Variants in CELF2 observed in about 807,000 individuals in gnomAD.
CELF2 encodes the protein CUG triplet repeat RNA-binding protein 2.
In CELF2, 8 loss-of-function variants were observed where a neutral mutation model predicts 62.6. The observed-to-expected ratio is 0.13, with a 90% CI of 0.07 to 0.23. The LOEUF (loss-of-function observed/expected upper bound fraction) is 0.23. Ranked by LOEUF, CELF2 falls within the 10% of genes least tolerant of loss-of-function variation. The pLI is 1.00. For missense variants in CELF2, 333 were observed against 671.0 expected (o/e 0.50, Z 5.56); for synonymous variants, 258 against 250.0 (o/e 1.03, Z -0.30).
rs2061939332 is a variant in CELF2 at position 11,211,848 on chromosome 10, G to A, written c.272-5577G>A. Among the ~76,000 whole-genome samples, 1 of 145,758 alleles carries A rather than the reference G, an allele frequency of 6.9e-6. No individual in the cohort carries two copies. The highest frequency in any genetic ancestry group is 1.5e-5 in the Non-Finnish European group (1 of 65,326). Reference sequence around the variant, plus strand: ...TGTGTGTGTGTGTGTGTGTGTGTGTGTGTGTGTAACTACCATTGGCCTTTG... The same window carrying A: ...TGTGTGTGTGTGTGTGTGTGTGTGTATGTGTGTAACTACCATTGGCCTTTG... On this transcript the variant is annotated intron_variant, in intron 2 of 12. Coordinates refer to ENST00000633077, the MANE Select transcript of CELF2 (RefSeq NM_001326342.2). The surrounding 1 kb of genome is among the most constrained non-coding windows in gnomAD (Gnocchi z 4.8).
the CELF2 span, among the ~76,000 whole-genome samples, chr10:10,585,254 T>C: frequency 7.2e-5 from 11 of 152,164 alleles, no homozygotes; most frequent in Non-Finnish European, 1.6e-4. Context: ...AAATCCCTGA[T>C]TGGGAATTCT....
rs1217656518 is a variant in CELF2, at chr10:11,242,278, A to G, written c.355-6875A>G. Among the ~76,000 whole-genome samples the G allele has an allele frequency of 1.3e-5, 2 of 152,210 alleles. No individual in the cohort carries two copies. Among genetic ancestry groups the G allele is most frequent in the Non-Finnish European group, 2.9e-5 (2 of 68,036 alleles). ...ATCTCATGTTAAAGGTGGTTAACTC[A>G]TCAATTGGTGATGGCTGGGGTTCAA... On this transcript the variant is annotated intron_variant, in intron 3 of 12. Coordinates refer to ENST00000633077, the MANE Select transcript of CELF2 (RefSeq NM_001326342.2). This position sits in a 1 kb window ranked among gnomAD's most constrained non-coding sequence, Gnocchi z 4.8.
In CELF2 at chr10:11,313,790, TAA is replaced by T. The variant is rs60108238; in HGVS notation, c.977-335_977-334del. ...CCCATCTTACTCATGCCCATAGGCT[TAA>T]AAAAAAAAAAAAAGAACTAAGCAAG... On this transcript the variant is annotated intron_variant, in intron 9 of 12. Coordinates refer to ENST00000633077, the MANE Select transcript of CELF2 (RefSeq NM_001326342.2). 4.1e-3 allele frequency among the ~76,000 whole-genome samples: 589 copies of T among 143,634 alleles called. 1 individual carries two copies. The highest frequency in any genetic ancestry group is 6.3e-3 in the Non-Finnish European group (415 of 65,600). 94.2% of individuals were successfully genotyped at this position (143,634 alleles called of 152,430 possible).
At chr10:10,684,659 G>A in the CELF2 span, among the ~76,000 whole-genome samples, 4 of 152,068 alleles carry the variant, frequency 2.6e-5, no homozygotes, top group Non-Finnish European at 2.9e-5. Context: ...TGGGAGGATC[G>A]CCTGAGCCCA....
chr10:10,563,122 G>T, the CELF2 span, among the ~76,000 whole-genome samples: 1 of 152,094 alleles, frequency 6.6e-6, no homozygotes, highest in Non-Finnish European at 1.5e-5. Context: ...GGAGAGGGAA[G>T]AGTCAGATAG....
chr10:10,580,685 C>T, the CELF2 span, among the ~76,000 whole-genome samples: 5,641 of 152,238 alleles, frequency 0.037, 329 homozygotes, highest in African/African-American at 0.13. Context: ...ACATAGATTA[C>T]GAAACATTAG....
At chr10:10,798,172 T>C (rs2054274368), upstream of CELF2, among the ~76,000 whole-genome samples, 2 of 152,164 alleles carry the variant, frequency 1.3e-5, no homozygotes, top group Admixed American at 6.5e-5. Context: ...TTCCAAATTA[T>C]TTTTAAAAAA....
chr10:11,207,607 C>T lies in CELF2; in HGVS notation c.272-9818C>T, dbSNP rs7918076. ...CGGCCAGAGGGCGGTGCGGGTCCCA[C>T]GCTGCCAGTGTAAGTTTCCCAGGGG... On this transcript the variant is annotated intron_variant, in intron 2 of 12. Transcript: ENST00000633077. This position sits in a 1 kb window ranked among gnomAD's most constrained non-coding sequence, Gnocchi z 4.1. Among the ~76,000 whole-genome samples the T allele has an allele frequency of 0.23, 35,442 of 152,194 alleles. 5,259 individuals carry two copies. The highest frequency in any genetic ancestry group is 0.68 in the East Asian group (3,504 of 5,174).
intron 1 of CELF2, among the ~76,000 whole-genome samples, chr10:10,899,597 T>A (rs1436603478): frequency 2.6e-5 from 4 of 152,230 alleles, no homozygotes; most frequent in Non-Finnish European, 1.5e-5. Flanking sequence ...GCTTGCAGAC[T>A]GTACTAGTCC....
the CELF2 span, among the ~76,000 whole-genome samples, chr10:10,668,312 C>T: frequency 3.1e-4 from 47 of 152,282 alleles, no homozygotes; most frequent in Non-Finnish European, 4.9e-4. Context: ...GCGTTCCCAA[C>T]CCCATCCTAT....
intron 1 of CELF2, among the ~76,000 whole-genome samples, chr10:11,048,611 T>C (rs2063295233): frequency 6.6e-6 from 1 of 152,228 alleles, no homozygotes; most frequent in Admixed American, 6.5e-5. Flanking sequence ...ACCATTACGC[T>C]GGGTAAGATC....
chr10:11,281,426 G>A (rs1212095167), intron 8 of CELF2, among the ~76,000 whole-genome samples: 1 of 152,106 alleles, frequency 6.6e-6, no homozygotes, highest in African/African-American at 2.4e-5. Context: ...AGTGGTTTGT[G>A]GTATCTGGGA....
chr10:10,774,601 G>T, the CELF2 span, among the ~76,000 whole-genome samples: 1 of 152,212 alleles, frequency 6.6e-6, no homozygotes, highest in Non-Finnish European at 1.5e-5. Context: ...CTTCCGCGAT[G>T]ACTGTAAGTT....
the CELF2 span, among the ~76,000 whole-genome samples, chr10:10,684,350 C>T: frequency 6.6e-6 from 1 of 152,190 alleles, no homozygotes; most frequent in Non-Finnish European, 1.5e-5. Context: ...TGTTCTACGT[C>T]CCGCCTTCTT....
chr10:11,000,509 C>T (rs1342529010), upstream of CELF2, among the ~76,000 whole-genome samples: 2 of 152,166 alleles, frequency 1.3e-5, no homozygotes, highest in Non-Finnish European at 2.9e-5. Context: ...GCGCCCTGCT[C>T]CTCCTGGTAA....
chr10:11,160,230 C>T (rs1178704132), intron 1 of CELF2, among the ~76,000 whole-genome samples: 1 of 152,200 alleles, frequency 6.6e-6, no homozygotes, highest in Admixed American at 6.5e-5. Flanking sequence ...CTTTGTTTTA[C>T]AAGTGAGGAA....
At chr10:10,890,592 A>G (rs2062064071) in intron 1 of CELF2, among the ~76,000 whole-genome samples, 2 of 152,334 alleles carry the variant, frequency 1.3e-5, no homozygotes, top group East Asian at 1.9e-4. Context: ...TTGAAGCACT[A>G]AGCACCTCTC....
the CELF2 span, among the ~76,000 whole-genome samples, chr10:10,572,958 C>A: frequency 6.6e-6 from 1 of 152,172 alleles, no homozygotes; most frequent in Non-Finnish European, 1.5e-5. Flanking sequence ...AATGGTTGAA[C>A]TAATTTACAT....
chr10:10,619,225 T>G, the CELF2 span, among the ~76,000 whole-genome samples: 2 of 152,216 alleles, frequency 1.3e-5, no homozygotes, highest in African/African-American at 4.8e-5. Context: ...AAATGATTTG[T>G]GGGCTGCTTT....
Sources: gnomAD v4.1 joint callset for allele counts (sites outside exome capture counted in the v4.1 genomes callset) on GRCh38, gnomAD v4.1.1 for gene constraint, Gnocchi (gnomAD v3.1) non-coding constraint, MANE v1.5 for transcripts, NCBI Gene and HGNC (gene_info 2026-07-23, HGNC 2026-07-21) for gene names.